Variants in SH3RF3 observed in about 807,000 individuals in gnomAD.
SH3RF3 encodes E3 ubiquitin-protein ligase SH3RF3.
In SH3RF3, 29 loss-of-function variants were observed where a neutral mutation model predicts 66.3. That is an observed-to-expected ratio of 0.44 (90% CI 0.33 to 0.60). The LOEUF is 0.60. SH3RF3 is among the 20% of genes least tolerant of loss of function. The pLI is 0.04. For missense variants in SH3RF3, 1,194 were observed against 1,190.9 expected, an observed-to-expected ratio of 1.00 and a Z score of -0.04; for synonymous variants, 583 against 532.0, an observed-to-expected ratio of 1.10 and a Z score of -1.32.
At position 109,247,517 on chromosome 2, in the gene SH3RF3, G is replaced by A. The variant is rs147953665; in HGVS notation, c.574-100157G>A. Reference sequence around the variant, plus strand: ...ATTCTTCCCACCTTAAGGCAGGCATGGGTGGTCACGTGTCAGTCCAGCCTG... The same window carrying A: ...ATTCTTCCCACCTTAAGGCAGGCATAGGTGGTCACGTGTCAGTCCAGCCTG... On this transcript the variant is annotated intron_variant, in intron 1 of 9. Transcript: ENST00000309415. Among the ~76,000 whole-genome samples the A allele has an allele frequency of 1.4e-4, 22 of 152,294 alleles. No homozygotes were observed. In the East Asian group the frequency reaches 3.9e-3, roughly 27 times the overall value.
At chr2:109,299,618 A>G (rs1681408168) in intron 1 of SH3RF3, among the ~76,000 whole-genome samples, 1 of 152,144 alleles carries the variant, frequency 6.6e-6, no homozygotes, top group Non-Finnish European at 1.5e-5. Flanking sequence ...GCATGAGCTC[A>G]CAGGAAACCT....
chr2:109,272,362 A>T (rs1680646975), intron 1 of SH3RF3, among the ~76,000 whole-genome samples: 1 of 152,224 alleles, frequency 6.6e-6, no homozygotes, highest in Non-Finnish European at 1.5e-5. Flanking sequence ...AACCCTGAAG[A>T]GCTGGTGCAG....
chr2:109,220,044 A>G (rs1256286227), intron 1 of SH3RF3, among the ~76,000 whole-genome samples: 1 of 152,246 alleles, frequency 6.6e-6, no homozygotes, highest in African/African-American at 2.4e-5. Flanking sequence ...AGCAATAGTA[A>G]TCAAAACTAT....
At chr2:109,404,517 C>T (rs1262804250) in intron 4 of SH3RF3, among the ~76,000 whole-genome samples, 3 of 152,096 alleles carry the variant, frequency 2.0e-5, no homozygotes, top group Non-Finnish European at 2.9e-5. Context: ...GAAGTTTTGC[C>T]GGGCCTAGGC....
At chr2:109,431,012 A>G (rs1677195525) in intron 5 of SH3RF3, among the ~76,000 whole-genome samples, 1 of 152,248 alleles carries the variant, frequency 6.6e-6, no homozygotes, top group African/African-American at 2.4e-5. Context: ...GGCAGATTTC[A>G]TATTAAGGCC....
chr2:109,139,801 AG>A (rs1416494050), intron 1 of SH3RF3, among the ~76,000 whole-genome samples: 1 of 152,186 alleles, frequency 6.6e-6, no homozygotes, highest in African/African-American at 2.4e-5. Context: ...GCAGTTTTTG[AG>A]CTTTTCAATC....
intron 8 of SH3RF3, among the ~76,000 whole-genome samples, chr2:109,464,729 G>C (rs1021133616): frequency 2.0e-5 from 3 of 152,152 alleles, no homozygotes; most frequent in Admixed American, 1.3e-4. Context: ...TATACTCCCT[G>C]CTCCCACACA....
Position 109,206,490 on chromosome 2 carries a change from C to CAAAAAAAAA in SH3RF3, c.573+76394_573+76402dup, listed in dbSNP as rs36060217. 2.7e-4 allele frequency among the ~76,000 whole-genome samples: 11 copies of CAAAAAAAAA among 40,760 alleles called. 1 individual carries two copies. The highest frequency in any genetic ancestry group is 9.9e-4 in the African/African-American group (10 of 10,076). 26.7% of individuals were successfully genotyped at this position (40,760 alleles called of 152,430 possible). On this transcript the variant is annotated intron_variant, in intron 1 of 9. Coordinates refer to ENST00000309415, the MANE Select transcript of SH3RF3 (RefSeq NM_001099289.3). ...TGGGCGACAGAGTGAGACTCCGTCT[C>CAAAAAAAAA]AAAAAAAAAAAAAAAAAAAAAAAAA...
intron 1 of SH3RF3, among the ~76,000 whole-genome samples, chr2:109,143,115 C>T (rs999483247): frequency 1.3e-5 from 2 of 152,102 alleles, no homozygotes; most frequent in Admixed American, 6.5e-5. Flanking sequence ...CACAAGGTAA[C>T]CTCAGGAGGA....
intron 1 of SH3RF3, among the ~76,000 whole-genome samples, chr2:109,318,369 G>T (rs934918604): frequency 1.3e-5 from 2 of 152,118 alleles, no homozygotes; most frequent in African/African-American, 4.8e-5. Context: ...CCCACTCGCT[G>T]CACAGACCTG....
At chr2:109,465,355 G>A (rs1313544988) in intron 8 of SH3RF3, among the ~76,000 whole-genome samples, 1 of 152,202 alleles carries the variant, frequency 6.6e-6, no homozygotes, top group African/African-American at 2.4e-5. Flanking sequence ...GTATGTAAGA[G>A]TATGTGCTGA....
At chr2:109,240,930 C>A (rs1388610855) in intron 1 of SH3RF3, among the ~76,000 whole-genome samples, 1 of 150,454 alleles carries the variant, frequency 6.6e-6, no homozygotes, top group Non-Finnish European at 1.5e-5. Context: ...TCTCATGTTC[C>A]ATCTTCTTTC....
At chr2:109,388,376 C>T (rs548446458) in intron 3 of SH3RF3, among the ~76,000 whole-genome samples, 1 of 152,174 alleles carries the variant, frequency 6.6e-6, no homozygotes, top group Non-Finnish European at 1.5e-5. Context: ...AAAAGCTCCA[C>T]CTGCCACAGA....
chr2:109,199,014 A>ACG (rs1678574185), intron 1 of SH3RF3, among the ~76,000 whole-genome samples: 1 of 152,018 alleles, frequency 6.6e-6, no homozygotes, highest in African/African-American at 2.4e-5. Flanking sequence ...CTGTATTTAC[A>ACG]TGGTGGCCTT....
At chr2:109,399,928 C>G (rs542058456) in intron 4 of SH3RF3, among the ~76,000 whole-genome samples, 3 of 152,222 alleles carry the variant, frequency 2.0e-5, no homozygotes, top group African/African-American at 7.2e-5. Context: ...TTTCTCCCTG[C>G]GCTGCAGCCT....
intron 1 of SH3RF3, among the ~76,000 whole-genome samples, chr2:109,194,877 A>T (rs1026292525): frequency 4.2e-4 from 64 of 152,306 alleles, no homozygotes; most frequent in African/African-American, 1.5e-3. Context: ...CTACAAACTC[A>T]GTTTTTAAAA....
intron 1 of SH3RF3, among the ~76,000 whole-genome samples, chr2:109,139,358 A>G (rs1387307593): frequency 6.6e-6 from 1 of 151,854 alleles, no homozygotes; most frequent in Non-Finnish European, 1.5e-5. Flanking sequence ...TAATTTTGTC[A>G]CTAGCAGTCA....
intron 1 of SH3RF3, among the ~76,000 whole-genome samples, chr2:109,323,028 T>G (rs1190062633): frequency 1.3e-5 from 2 of 152,208 alleles, no homozygotes; most frequent in Non-Finnish European, 2.9e-5. Context: ...CTTATACCCC[T>G]AGGTGGTCTC....
chr2:109,272,361 G>A (rs1680646916), intron 1 of SH3RF3, among the ~76,000 whole-genome samples: 1 of 152,214 alleles, frequency 6.6e-6, no homozygotes, highest in Non-Finnish European at 1.5e-5. Flanking sequence ...GAACCCTGAA[G>A]AGCTGGTGCA....
Sources: allele counts gnomAD v4.1 joint callset (sites outside exome capture counted in the v4.1 genomes callset), GRCh38; gene constraint gnomAD v4.1.1; transcripts MANE v1.5; gene names NCBI Gene and HGNC (gene_info 2026-07-23, HGNC 2026-07-21).